The following SGMS1 variants were observed in gnomAD, a reference collection of about 807,000 sequenced individuals.
SGMS1 encodes the protein phosphatidylcholine:ceramide cholinephosphotransferase 1.
Under a neutral mutation model 46.2 loss-of-function variants are expected in SGMS1, and 13 were observed. The observed-to-expected ratio is 0.28, with a 90% CI of 0.18 to 0.45. SGMS1 has a LOEUF of 0.45. SGMS1 is among the 20% of genes least tolerant of loss of function. The probability of loss-of-function intolerance (pLI) is 1.00; values close to 1 mark genes in which losing one functional copy is unlikely to be tolerated. For missense variants in SGMS1, 324 were observed against 519.9 expected (o/e 0.62, Z 3.66); for synonymous variants, 203 against 187.8 (o/e 1.08, Z -0.66).
chr10:50,404,571 G>T (rs1475691139), intron 6 of SGMS1, among the ~76,000 whole-genome samples: 1 of 152,134 alleles, frequency 6.6e-6, no homozygotes, highest in African/African-American at 2.4e-5. Flanking sequence ...CCACTGCATT[G>T]CAGTCTGGGT....
intron 6 of SGMS1, among the ~76,000 whole-genome samples, chr10:50,380,516 G>A (rs1010289706): frequency 4.6e-5 from 7 of 152,060 alleles, no homozygotes; most frequent in Admixed American, 1.3e-4. Context: ...AGAAAGAGAC[G>A]TGGGCTTTCT....
chr10:50,343,893 T>C lies in SGMS1; in HGVS notation c.222A>G (p.Glu74=). The C allele has an allele frequency of 6.2e-7, 1 of 1,614,188 alleles. No individual in the cohort carries two copies. The highest frequency in any genetic ancestry group is 8.5e-7 in the Non-Finnish European group (1 of 1,180,034). ...IETLKMEHHL[E]AHKNGHANGH... ...CATTGGCATGGCCGTTCTTGTGTGCTTCCAAATGGTGCTCCATTTTCAGGG... is the reference window on the plus strand; with the variant it reads ...CATTGGCATGGCCGTTCTTGTGTGCCTCCAAATGGTGCTCCATTTTCAGGG... The change falls in exon 7 of 11, where the codon GAA becomes GAG. Residue 74 remains glutamate (E), a synonymous_variant. Transcript: ENST00000361781.
intron 6 of SGMS1, among the ~76,000 whole-genome samples, chr10:50,369,587 T>C (rs983176315): frequency 1.4e-5 from 2 of 145,058 alleles, no homozygotes; most frequent in African/African-American, 5.0e-5. Flanking sequence ...CATCAACAAA[T>C]GTGGAGGAAA....
At chr10:50,422,170 C>T (rs1357797050) in intron 6 of SGMS1, among the ~76,000 whole-genome samples, 1 of 152,122 alleles carries the variant, frequency 6.6e-6, no homozygotes, top group East Asian at 1.9e-4. Flanking sequence ...AGATCCCTGA[C>T]CTTTCACTCT....
At chr10:50,475,772 C>T (rs901924309) in intron 3 of SGMS1, among the ~76,000 whole-genome samples, 4 of 152,078 alleles carry the variant, frequency 2.6e-5, no homozygotes, top group Non-Finnish European at 5.9e-5. Context: ...AACCATTCTC[C>T]TGTCAACCAT....
At chr10:50,358,026 T>A (rs931940388) in intron 6 of SGMS1, among the ~76,000 whole-genome samples, 1 of 152,192 alleles carries the variant, frequency 6.6e-6, no homozygotes, top group Non-Finnish European at 1.5e-5. Flanking sequence ...ATGCCTGTAA[T>A]CGCAAAACTT....
intron 7 of SGMS1, chr10:50,341,386 G>A: frequency 2.2e-6 from 1 of 455,958 alleles, no homozygotes; most frequent in Non-Finnish European, 4.4e-6. Context: ...GGACAGGGTG[G>A]ACGATGCTTA....
chr10:50,373,498 G>A (rs1848474344), intron 6 of SGMS1, among the ~76,000 whole-genome samples: 1 of 152,140 alleles, frequency 6.6e-6, no homozygotes, highest in Non-Finnish European at 1.5e-5. Flanking sequence ...CTGAGACAGT[G>A]GCATGGCTCA....
At chr10:50,562,351 T>TGC (rs1244118428) in intron 2 of SGMS1, among the ~76,000 whole-genome samples, 59 of 64,336 alleles carry the variant, frequency 9.2e-4, no homozygotes, top group East Asian at 5.1e-3. Context: ...TGTGTGTGTG[T>TGC]GTGTGCGCGC....
chr10:50,311,730 G>C (rs1197468711), intron 8 of SGMS1, among the ~76,000 whole-genome samples: 1 of 152,164 alleles, frequency 6.6e-6, no homozygotes, highest in African/African-American at 2.4e-5. Context: ...CTGACTGACT[G>C]AATAATTGCT....
intron 2 of SGMS1, among the ~76,000 whole-genome samples, chr10:50,574,882 A>G (rs940148479): frequency 6.6e-6 from 1 of 150,626 alleles, no homozygotes; most frequent in Non-Finnish European, 1.5e-5. Context: ...TATGTATTGA[A>G]ATCTCACTAT....
At chr10:50,310,246 TCTCCCTC>T (rs1267902146) in intron 9 of SGMS1, among the ~76,000 whole-genome samples, 3 of 152,148 alleles carry the variant, frequency 2.0e-5, no homozygotes, top group Non-Finnish European at 4.4e-5. Context: ...AGGCAAAGCA[TCTCCCTC>T]CTCTGTGATA....
chr10:50,414,634 T>A (rs1011103214), intron 6 of SGMS1, among the ~76,000 whole-genome samples: 6 of 152,238 alleles, frequency 3.9e-5, no homozygotes, highest in Non-Finnish European at 7.3e-5. Flanking sequence ...TACTATTATT[T>A]GTATTTTATG....
At chr10:50,363,269 T>C (rs547936248) in intron 6 of SGMS1, among the ~76,000 whole-genome samples, 64 of 152,080 alleles carry the variant, frequency 4.2e-4, no homozygotes, top group Non-Finnish European at 7.9e-4. Context: ...ATTTCGGAAG[T>C]TGGGAAGCAC....
chr10:50,449,920 A>G (rs1207509908), intron 5 of SGMS1, among the ~76,000 whole-genome samples: 1 of 152,072 alleles, frequency 6.6e-6, no homozygotes, highest in Non-Finnish European at 1.5e-5. Context: ...GGCCTAGAAA[A>G]TGGAAGTGTC....
In SGMS1 at chr10:50,432,084, G is replaced by A. The variant is rs1327505442; in HGVS notation, c.-232+1392C>T. Reference sequence around the variant, plus strand: ...CATCAAATGAAACTCTTACCACCACGGCTGAGGCAGATAATTAAAGAATTG... The same window carrying A: ...CATCAAATGAAACTCTTACCACCACAGCTGAGGCAGATAATTAAAGAATTG... On this transcript the variant is annotated intron_variant, in intron 6 of 10. Coordinates refer to ENST00000361781, the MANE Select transcript of SGMS1 (RefSeq NM_147156.4). Among the ~76,000 whole-genome samples the A allele has an allele frequency of 3.9e-5, 6 of 152,156 alleles. No individual in the cohort carries two copies. In the South Asian group the frequency reaches 1.0e-3, roughly 26 times the overall value.
chr10:50,369,161 G>A (rs1001809074), intron 6 of SGMS1, among the ~76,000 whole-genome samples: 2 of 152,216 alleles, frequency 1.3e-5, no homozygotes, highest in Admixed American at 6.5e-5. Context: ...TAAATATGAA[G>A]AGCAGATATT....
intron 5 of SGMS1, among the ~76,000 whole-genome samples, chr10:50,441,843 T>C (rs187192870): frequency 2.0e-5 from 3 of 152,184 alleles, no homozygotes; most frequent in African/African-American, 7.2e-5. Flanking sequence ...CTTCCCAGTC[T>C]GTCAAAGTCT....
intron 3 of SGMS1, among the ~76,000 whole-genome samples, chr10:50,504,548 A>G (rs2133762384): frequency 6.6e-6 from 1 of 152,338 alleles, no homozygotes; most frequent in Non-Finnish European, 1.5e-5. Context: ...TCATACAGGT[A>G]GTAAGTGACA....
Sources: gnomAD v4.1 joint callset for allele counts (sites outside exome capture counted in the v4.1 genomes callset) on GRCh38, gnomAD v4.1.1 for gene constraint, MANE v1.5 for transcripts, NCBI Gene and HGNC (gene_info 2026-07-23, HGNC 2026-07-21) for gene names.